PARD3B: variants seen among roughly 807,000 people sequenced by gnomAD.
PARD3B encodes partitioning defective 3 homolog B.
PARD3B carries 103 observed loss-of-function variants against 130.2 expected under a neutral mutation model. The observed-to-expected ratio is 0.79, with a 90% CI of 0.67 to 0.93. The LOEUF (loss-of-function observed/expected upper bound fraction) is 0.93, where lower values mean the gene tolerates loss of function less well. Among genes scored for constraint, PARD3B ranks in the 40% least tolerant of loss-of-function variants. PARD3B has a pLI of 0.00. For missense variants in PARD3B, 1,609 were observed against 1,499.2 expected, an observed-to-expected ratio of 1.07 and a Z score of -1.21; for synonymous variants, 583 against 553.2, an observed-to-expected ratio of 1.05 and a Z score of -0.76.
At chr2:205,135,586 T>C (rs199945055) in intron 10 of PARD3B, among the ~76,000 whole-genome samples, 10 of 112,280 alleles carry the variant, frequency 8.9e-5, no homozygotes, top group African/African-American at 1.5e-4. Context: ...TTTTTTTTTT[T>C]TCCCTAAGGG....
intron 18 of PARD3B, among the ~76,000 whole-genome samples, chr2:205,343,323 C>T (rs1030223197): frequency 6.6e-6 from 1 of 152,146 alleles, no homozygotes; most frequent in Non-Finnish European, 1.5e-5. Flanking sequence ...GTGCTCCGAG[C>T]ATGAAGGAGA....
intron 19 of PARD3B, among the ~76,000 whole-genome samples, chr2:205,435,523 T>C (rs1022413271): frequency 6.6e-6 from 1 of 152,068 alleles, no homozygotes; most frequent in Admixed American, 6.6e-5. Flanking sequence ...CTATCTCTTT[T>C]TTATTTTCTG....
intron 3 of PARD3B, among the ~76,000 whole-genome samples, chr2:204,977,224 T>G (rs1299596527): frequency 6.6e-6 from 1 of 152,204 alleles, no homozygotes; most frequent in African/African-American, 2.4e-5. Flanking sequence ...ATCTTTTTTA[T>G]CTTCAACTCA....
intron 2 of PARD3B, among the ~76,000 whole-genome samples, chr2:204,814,197 G>C (rs2043062350): frequency 1.3e-5 from 2 of 151,864 alleles, no homozygotes; most frequent in South Asian, 4.2e-4. Flanking sequence ...TATACTTACA[G>C]TTTTCATAAT....
At chr2:204,742,372 A>C (rs1280544495) in intron 2 of PARD3B, among the ~76,000 whole-genome samples, 1 of 152,162 alleles carries the variant, frequency 6.6e-6, no homozygotes, top group Non-Finnish European at 1.5e-5. Flanking sequence ...ACCATGTAAA[A>C]ATGAAGATAA....
intron 12 of PARD3B, among the ~76,000 whole-genome samples, chr2:205,174,699 C>A (rs2035366064): frequency 6.6e-6 from 1 of 152,044 alleles, no homozygotes. Flanking sequence ...GCCAGGAATA[C>A]CAAAATGGTT....
chr2:205,202,345 C>T (rs1215275862), intron 15 of PARD3B, among the ~76,000 whole-genome samples: 1 of 152,188 alleles, frequency 6.6e-6, no homozygotes, highest in Non-Finnish European at 1.5e-5. Context: ...CAAGGACATG[C>T]TTTTCATATC....
At chr2:205,238,884 G>GTA (rs368546075) in intron 15 of PARD3B, among the ~76,000 whole-genome samples, 885 of 75,224 alleles carry the variant, frequency 0.012, 19 homozygotes, top group Middle Eastern at 0.032. Context: ...ATATGTATGT[G>GTA]TGTATATATA....
chr2:204,913,532 A>G (rs2047325747), intron 2 of PARD3B, among the ~76,000 whole-genome samples: 1 of 152,200 alleles, frequency 6.6e-6, no homozygotes, highest in Admixed American at 6.5e-5. Context: ...CTTCTGTGAA[A>G]CACTACATAG....
intron 1 of PARD3B, among the ~76,000 whole-genome samples, chr2:204,572,403 G>C (rs2032051045): frequency 6.6e-6 from 1 of 152,118 alleles, no homozygotes; most frequent in Admixed American, 6.5e-5. Context: ...AACCAGGCTG[G>C]AGGGGCTCCA....
intron 9 of PARD3B, 75 bp downstream of exon 9, chr2:205,124,541 A>C: frequency 9.8e-7 from 1 of 1,016,732 alleles, no homozygotes; most frequent in Non-Finnish European, 1.3e-6. Flanking sequence ...GCATTGAAAT[A>C]TATGTAAATA....
In PARD3B at chr2:205,473,042, T is replaced by A. The variant is rs2048894007; in HGVS notation, c.3045-26854T>A. ...AAAAATAGAAGTTGAAGTGGTCCAT[T>A]TGAGCTAGAAGCTTGGCAATTTTAC... On this transcript the variant is annotated intron_variant, in intron 20 of 22. Transcript: ENST00000406610. The surrounding 1 kb of genome is among the most constrained non-coding windows in gnomAD (Gnocchi z 4.9). 6.6e-6 allele frequency among the ~76,000 whole-genome samples: 1 copy of A among 152,176 alleles called. No individual in the cohort carries two copies. The highest frequency in any genetic ancestry group is 6.5e-5 in the Admixed American group (1 of 15,268).
At chr2:204,596,948 C>G (rs915866164) in intron 1 of PARD3B, among the ~76,000 whole-genome samples, 2 of 150,436 alleles carry the variant, frequency 1.3e-5, no homozygotes, top group Non-Finnish European at 3.0e-5. Context: ...CTATCTGTCT[C>G]TCTCTCTCTC....
chr2:205,422,046 GATAA>G (rs2046989304), intron 19 of PARD3B, among the ~76,000 whole-genome samples: 1 of 152,116 alleles, frequency 6.6e-6, no homozygotes, highest in Admixed American at 6.6e-5. Context: ...CTTGTAAACA[GATAA>G]ATAAAAAAGA....
At position 204,607,625 on chromosome 2, in the gene PARD3B, A is replaced by T. The variant is rs191846603; in HGVS notation, c.120+61506A>T. On this transcript the variant is annotated intron_variant, in intron 1 of 22. Transcript: ENST00000406610. ...TTAAGAAAAGGAAGAAAATTATTTT[A>T]AAAAAAAGGATTATACAGTGGGAAC... Among the ~76,000 whole-genome samples, 529 of 145,976 alleles carry T rather than the reference A, an allele frequency of 3.6e-3. 2 individuals carry two copies. Among genetic ancestry groups the T allele is most frequent in the African/African-American group, 0.012 (456 of 37,218 alleles).
intron 1 of PARD3B, among the ~76,000 whole-genome samples, chr2:204,582,309 A>G (rs2032601646): frequency 6.6e-6 from 1 of 152,146 alleles, no homozygotes; most frequent in Non-Finnish European, 1.5e-5. Context: ...TTTGCAGTTG[A>G]TCTGTCAGTT....
intron 3 of PARD3B, among the ~76,000 whole-genome samples, chr2:205,036,149 AT>A (rs1697850877): frequency 6.8e-6 from 1 of 146,396 alleles, no homozygotes; most frequent in African/African-American, 2.5e-5. Context: ...TTATATATAT[AT>A]AAAAAATATG....
intron 2 of PARD3B, among the ~76,000 whole-genome samples, chr2:204,829,666 T>G (rs1341969341): frequency 2.6e-5 from 4 of 152,040 alleles, no homozygotes; most frequent in African/African-American, 9.7e-5. Context: ...GCTGTTCTAG[T>G]GATAGTGAGT....
chr2:204,801,699 C>A (rs1314398759), intron 2 of PARD3B, among the ~76,000 whole-genome samples: 4 of 152,160 alleles, frequency 2.6e-5, no homozygotes, highest in Non-Finnish European at 5.9e-5. Flanking sequence ...CCCTTTATTT[C>A]TTTCTCTTGC....
Sources: gnomAD v4.1 joint callset for allele counts (sites outside exome capture counted in the v4.1 genomes callset) on GRCh38, gnomAD v4.1.1 for gene constraint, Gnocchi (gnomAD v3.1) non-coding constraint, MANE v1.5 for transcripts, NCBI Gene and HGNC (gene_info 2026-07-23, HGNC 2026-07-21) for gene names.